ESCO2: variants seen among roughly 807,000 people sequenced by gnomAD.
ESCO2 encodes the protein N-acetyltransferase ESCO2.
In ESCO2, 51 loss-of-function variants were observed where a neutral mutation model predicts 61.7. The observed-to-expected ratio is 0.83, with a 90% CI of 0.66 to 1.04. ESCO2 has a LOEUF of 1.04. Among genes scored for constraint, ESCO2 ranks in the 50% least tolerant of loss-of-function variants. The probability of loss-of-function intolerance (pLI) is 0.00; values close to 1 mark genes in which losing one functional copy is unlikely to be tolerated. For synonymous variants in ESCO2, 230 were observed against 238.2 expected (o/e 0.97, Z 0.32); for missense variants, 692 against 686.2 (o/e 1.01, Z -0.09).
At chr8:27,778,146 A>G (rs1441851019) in intron 3 of ESCO2, 2 of 152,246 alleles carry the variant, frequency 1.3e-5, no homozygotes, top group Non-Finnish European at 2.9e-5. Flanking sequence ...CTTCATTTCT[A>G]CATGGCAATA....
chr8:27,809,595 G>T (rs1805628031), downstream of ESCO2: 1 of 149,670 alleles, frequency 6.7e-6, no homozygotes, highest in South Asian at 2.1e-4. Flanking sequence ...TCAAATCAAT[G>T]AAGTATAAAA....
rs1805491311 is a variant in ESCO2, at chr8:27,803,305, G to T, written c.1674-1G>T. Reference sequence around the variant, plus strand: ...TTAAATCATCTTTTCTTCTCTTTTAGGAATTGCTTCATGTTTGGCTGTTTT... The same window carrying T: ...TTAAATCATCTTTTCTTCTCTTTTATGAATTGCTTCATGTTTGGCTGTTTT... On this transcript the variant is annotated splice_acceptor_variant, in intron 10 of 10. Coordinates refer to ENST00000305188, the MANE Select transcript of ESCO2 (RefSeq NM_001017420.3). LOFTEE classifies it high-confidence loss of function. 1 of 1,613,554 alleles carries T rather than the reference G, an allele frequency of 6.2e-7. No individual in the cohort carries two copies. Among genetic ancestry groups the T allele is most frequent in the Non-Finnish European group, 8.5e-7 (1 of 1,179,774 alleles).
chr8:27,783,678 G>A (rs78577135), intron 4 of ESCO2, among the ~76,000 whole-genome samples: 1,981 of 152,190 alleles, frequency 0.013, 21 homozygotes, highest in Non-Finnish European at 0.02. Flanking sequence ...GGCCTTAGGC[G>A]ATCCTCCCAC....
At chr8:27,802,787 C>T (rs1805479322) in intron 10 of ESCO2, among the ~76,000 whole-genome samples, 1 of 147,922 alleles carries the variant, frequency 6.8e-6, no homozygotes, top group African/African-American at 2.5e-5. Context: ...CACTCTGTTA[C>T]CCAGGCTGGA....
At chr8:27,814,619 C>G (rs980703240), downstream of ESCO2, among the ~76,000 whole-genome samples, 1 of 152,020 alleles carries the variant, frequency 6.6e-6, no homozygotes, top group Non-Finnish European at 1.5e-5. Flanking sequence ...TAGAACTTTC[C>G]TTTTTTCCAA....
chr8:27,803,216 T>G (rs1805489361), intron 10 of ESCO2, 90 bp from the exon 11 acceptor site: 2 of 1,174,196 alleles, frequency 1.7e-6, no homozygotes. Flanking sequence ...TAAGGTTGAT[T>G]TAAGTCAAGA....
Position 27,775,504 on chromosome 8 carries a change from C to G in ESCO2, c.-11C>G. ...GTTATTGTCATTTCTTTTAGGAATT[C>G]AATAAAGAAAATGGCAGCTCTTACT... On this transcript the variant is annotated 5_prime_UTR_variant, in exon 2 of 11. Transcript: ENST00000305188. 1 of 1,613,372 alleles carries G rather than the reference C, an allele frequency of 6.2e-7. No individual in the cohort carries two copies. The highest frequency in any genetic ancestry group is 1.6e-4 in the Middle Eastern group (1 of 6,062).
chr8:27,773,693 C>G (rs1033652613), upstream of ESCO2: 6 of 152,132 alleles, frequency 3.9e-5, no homozygotes, highest in African/African-American at 1.4e-4. Flanking sequence ...ATACAGAGAA[C>G]TTTAACATGG....
chr8:27,804,914 T>C lies in ESCO2; in HGVS notation c.*1476T>C. 1 of 344,750 alleles carries C rather than the reference T, an allele frequency of 2.9e-6. No individual in the cohort carries two copies. Among genetic ancestry groups the C allele is most frequent in the Non-Finnish European group, 4.1e-6 (1 of 244,618 alleles). The allele number at this position is 344,750 out of a possible 1,614,324, so 21.4% of individuals were successfully genotyped here. A position where few individuals can be genotyped will look rare whatever the true frequency, so the allele number is the denominator to read the frequency against. On this transcript the variant is annotated 3_prime_UTR_variant, in exon 11 of 11. Transcript: ENST00000305188. ...CTTTATTTTATACAACTAAATCTGA[T>C]TTTAATTATTTTATTATGAAAATAG...
At chr8:27,778,771 G>C (rs1446691348) in intron 3 of ESCO2, 2 of 152,122 alleles carry the variant, frequency 1.3e-5, no homozygotes, top group South Asian at 2.1e-4. Flanking sequence ...TCACTTTACG[G>C]GTTTGGTATT....
At chr8:27,814,991 G>T (rs1016131606), downstream of ESCO2, among the ~76,000 whole-genome samples, 5 of 152,144 alleles carry the variant, frequency 3.3e-5, no homozygotes, top group African/African-American at 9.7e-5. Flanking sequence ...AAAATTTTCA[G>T]TATTTGATTA....
At chr8:27,806,189 T>C (rs1335169977), downstream of ESCO2, among the ~76,000 whole-genome samples, 1 of 152,178 alleles carries the variant, frequency 6.6e-6, no homozygotes, top group African/African-American at 2.4e-5. Flanking sequence ...TCAGTTAAGA[T>C]GGAAAAGGCA....
At position 27,775,485 on chromosome 8, in the gene ESCO2, G is replaced by A. The variant is rs115774603; in HGVS notation, c.-16-14G>A. 1.3e-4 allele frequency: 214 copies of A among 1,607,392 alleles called. No homozygotes were observed. The African/African-American group carries it at 2.7e-3, about 20-fold the overall frequency. On this transcript the variant is annotated splice_polypyrimidine_tract_variant and intron_variant, in intron 1 of 10. Transcript: ENST00000305188. ...TAATATTTTGATGAATGTGGTTATTGTCATTTCTTTTAGGAATTCAATAAA... is the reference window on the plus strand; with the variant it reads ...TAATATTTTGATGAATGTGGTTATTATCATTTCTTTTAGGAATTCAATAAA...
At position 27,804,069 on chromosome 8, in the gene ESCO2, A is replaced by C. The variant is rs1805512633; in HGVS notation, c.*631A>C. 2.0e-6 allele frequency: 2 copies of C among 985,268 alleles called. No individual in the cohort carries two copies. Among genetic ancestry groups the C allele is most frequent in the Non-Finnish European group, 2.4e-6 (2 of 829,962 alleles). The allele number at this position is 985,268 out of a possible 1,614,324, so 61.0% of individuals were successfully genotyped here. On this transcript the variant is annotated 3_prime_UTR_variant, in exon 11 of 11. Transcript: ENST00000305188. ...TATACAGAGTCTTCACTTGATAGGC[A>C]CTCGTCTGTAGTAACTCAGTTTGAA...
chr8:27,777,284 T>C, intron 3 of ESCO2, 115 bp downstream of exon 3: 1 of 951,666 alleles, frequency 1.1e-6, no homozygotes, highest in Non-Finnish European at 1.5e-6. Flanking sequence ...GATAGCATAG[T>C]GTTTAGTTAC....
At chr8:27,807,400 G>A (rs1373965392), downstream of ESCO2, among the ~76,000 whole-genome samples, 1 of 152,024 alleles carries the variant, frequency 6.6e-6, no homozygotes, top group Non-Finnish European at 1.5e-5. Flanking sequence ...TTAATATGGC[G>A]GTTACATTGT....
intron 5 of ESCO2, among the ~76,000 whole-genome samples, chr8:27,784,834 G>A (rs143949147): frequency 5.1e-4 from 77 of 152,220 alleles, no homozygotes; most frequent in African/African-American, 1.8e-3. Flanking sequence ...GGAACTTCCC[G>A]GCTACATTTT....
chr8:27,809,689 G>A (rs1351732057), downstream of ESCO2: 1 of 152,106 alleles, frequency 6.6e-6, no homozygotes, highest in Non-Finnish European at 1.5e-5. Context: ...ACACAGCTGG[G>A]AAATGCTTAA....
downstream of ESCO2, among the ~76,000 whole-genome samples, chr8:27,806,410 A>T (rs117028870): frequency 0.029 from 4,393 of 152,218 alleles, 99 homozygotes; most frequent in Non-Finnish European, 0.041. Flanking sequence ...TATAGTATCA[A>T]TGTTTGCTAT....
Sources: gnomAD v4.1 joint callset for allele counts (sites outside exome capture counted in the v4.1 genomes callset) on GRCh38, gnomAD v4.1.1 for gene constraint, MANE v1.5 for transcripts, NCBI Gene and HGNC (gene_info 2026-07-23, HGNC 2026-07-21) for gene names.